The following CYP19A1 variants were observed in gnomAD, a reference collection of about 807,000 sequenced individuals.
CYP19A1 encodes cytochrome P450 family 19 subfamily A member 1.
CYP19A1 carries 32 observed loss-of-function variants against 44.4 expected under a neutral mutation model. That is an observed-to-expected ratio of 0.72 (90% CI 0.54 to 0.97). CYP19A1 has a LOEUF of 0.97. Among genes scored for constraint, CYP19A1 ranks in the 50% least tolerant of loss-of-function variants. The pLI is 0.00. For synonymous variants in CYP19A1, 212 were observed against 215.6 expected, an observed-to-expected ratio of 0.98 and a Z score of 0.14; for missense variants, 598 against 637.8, an observed-to-expected ratio of 0.94 and a Z score of 0.67.
chr15:51,268,519 TCCCC>T lies in CYP19A1; in HGVS notation c.-38-25573_-38-25570del, dbSNP rs34270729. On this transcript the variant is annotated intron_variant, in intron 1 of 9. Coordinates refer to ENST00000396402, the MANE Select transcript of CYP19A1 (RefSeq NM_000103.4). ...TTAAGGAGCATTTCCATCGTTTCCTTCCCCCCCCCCCTTTTTTTTTGGCTGTTTC... is the reference window on the plus strand; with the variant it reads ...TTAAGGAGCATTTCCATCGTTTCCTTCCCCCCCTTTTTTTTTGGCTGTTTC... Among the ~76,000 whole-genome samples, 61 of 138,930 alleles carry T rather than the reference TCCCC, an allele frequency of 4.4e-4. 1 individual carries two copies. The highest frequency in any genetic ancestry group is 1.5e-3 in the African/African-American group (55 of 37,606). 91.1% of individuals were successfully genotyped at this position (138,930 alleles called of 152,430 possible).
At chr15:51,246,290 G>T (rs1595716434) in intron 1 of CYP19A1, among the ~76,000 whole-genome samples, 1 of 152,078 alleles carries the variant, frequency 6.6e-6, no homozygotes, top group Non-Finnish European at 1.5e-5. Context: ...CATGCACATG[G>T]CCCTCAGGTG....
At chr15:51,212,233 T>C in intron 9 of CYP19A1, 87 bp downstream of exon 9, 2 of 946,848 alleles carry the variant, frequency 2.1e-6, no homozygotes, top group Non-Finnish European at 1.8e-6. Flanking sequence ...AATGAAGTAT[T>C]TATGGTGCAA....
In CYP19A1 at chr15:51,293,945, T is replaced by A; in HGVS notation, c.-39+44550A>T. 1.4e-5 allele frequency: 3 copies of A among 216,066 alleles called. No homozygotes were observed. In the South Asian group the frequency reaches 1.9e-4, roughly 14 times the overall value. 13.4% of individuals were successfully genotyped at this position (216,066 alleles called of 1,614,324 possible). A position where few individuals can be genotyped will look rare whatever the true frequency, so the allele number is the denominator to read the frequency against. On this transcript the variant is annotated intron_variant, in intron 1 of 9. Transcript: ENST00000396402. ...CCAGCCGCCTGCCTTGGCCTCCCAA[T>A]GTGCCAAGACTGCAGCCTCTGCCCG...
At chr15:51,315,693 T>G (rs1251546291) in intron 1 of CYP19A1, 2 of 152,246 alleles carry the variant, frequency 1.3e-5, no homozygotes, top group East Asian at 3.8e-4. Context: ...CTATTCCTCA[T>G]GCTTCCCTGG....
intron 1 of CYP19A1, among the ~76,000 whole-genome samples, chr15:51,301,356 A>G (rs1421802226): frequency 6.6e-6 from 1 of 152,156 alleles, no homozygotes; most frequent in East Asian, 1.9e-4. Context: ...CTTCCTTTCC[A>G]AGTTAGATCA....
intron 1 of CYP19A1, among the ~76,000 whole-genome samples, chr15:51,264,758 C>T (rs1462106880): frequency 1.3e-5 from 2 of 152,112 alleles, no homozygotes; most frequent in Non-Finnish European, 2.9e-5. Context: ...CCCTTGGTTA[C>T]AGCGGTGGCA....
Position 51,210,784 on chromosome 15 carries a change from A to C in CYP19A1, c.*24T>G. On this transcript the variant is annotated 3_prime_UTR_variant, in exon 10 of 10. Coordinates refer to ENST00000396402, the MANE Select transcript of CYP19A1 (RefSeq NM_000103.4). Reference sequence around the variant, plus strand: ...GTGAACTACTGATGAGAAATGCTCCAGAGTGGGTACTGACCAGCCTTCTCT... The same window carrying C: ...GTGAACTACTGATGAGAAATGCTCCCGAGTGGGTACTGACCAGCCTTCTCT... The C allele has an allele frequency of 7.0e-7, 1 of 1,433,326 alleles. No individual in the cohort carries two copies. Among genetic ancestry groups the C allele is most frequent in the African/African-American group, 1.4e-5 (1 of 72,048 alleles). The allele number at this position is 1,433,326 out of a possible 1,614,324, so 88.8% of individuals were successfully genotyped here.
intron 8 of CYP19A1, among the ~76,000 whole-genome samples, chr15:51,213,157 C>T (rs766184541): frequency 1.1e-4 from 16 of 152,146 alleles, no homozygotes; most frequent in Non-Finnish European, 1.5e-4. Flanking sequence ...GTCATCTGCC[C>T]ATACATGTCA....
intron 1 of CYP19A1, chr15:51,312,340 A>G (rs370650663): frequency 6.6e-6 from 1 of 152,236 alleles, no homozygotes; most frequent in African/African-American, 2.4e-5. Flanking sequence ...ACTCACCCAT[A>G]TATGTAAACA....
chr15:51,222,666 C>T lies in CYP19A1; in HGVS notation c.452-141G>A, dbSNP rs185811945. 1.4e-4 allele frequency: 105 copies of T among 731,996 alleles called. No individual in the cohort carries two copies. In the African/African-American group the frequency reaches 1.6e-3, roughly 11 times the overall value. The allele number at this position is 731,996 out of a possible 1,614,324, so 45.3% of individuals were successfully genotyped here. A position where few individuals can be genotyped will look rare whatever the true frequency, so the allele number is the denominator to read the frequency against. On this transcript the variant is annotated intron_variant, in intron 4 of 9. Transcript: ENST00000396402. ...TGGGTGGAAGTTTTCATAATATTTT[C>T]GTATGCTTTTCTGTGGTCTCCTAAT... is the stretch of plus-strand genomic sequence containing the variant.
At chr15:51,253,594 T>G (rs1282713633) in intron 1 of CYP19A1, among the ~76,000 whole-genome samples, 1 of 152,110 alleles carries the variant, frequency 6.6e-6, no homozygotes. Context: ...TTCCCCACAT[T>G]TTCTATCCAC....
At chr15:51,231,413 A>G (rs2033023202) in intron 3 of CYP19A1, among the ~76,000 whole-genome samples, 1 of 152,074 alleles carries the variant, frequency 6.6e-6, no homozygotes, top group Non-Finnish European at 1.5e-5. Flanking sequence ...TACTCATTTG[A>G]CAATTTTCTT....
chr15:51,218,020 AC>A (rs2031735048), intron 6 of CYP19A1, among the ~76,000 whole-genome samples: 1 of 152,002 alleles, frequency 6.6e-6, no homozygotes, highest in Admixed American at 6.6e-5. Flanking sequence ...CAATTTCAGG[AC>A]CCCCAAAACA....
chr15:51,296,284 C>A (rs1217686565), intron 1 of CYP19A1, among the ~76,000 whole-genome samples: 1 of 152,120 alleles, frequency 6.6e-6, no homozygotes, highest in Non-Finnish European at 1.5e-5. Flanking sequence ...AAGAGGAAAA[C>A]TCCCTGAGAC....
At chr15:51,215,925 A>G in intron 6 of CYP19A1, 108 bp from the exon 7 acceptor site, 1 of 1,558,416 alleles carries the variant, frequency 6.4e-7, no homozygotes, top group South Asian at 1.2e-5. Context: ...AATTGAAAAC[A>G]TTGGTGCTTA....
intron 6 of CYP19A1, among the ~76,000 whole-genome samples, chr15:51,216,515 A>G (rs1444588654): frequency 1.3e-5 from 2 of 152,118 alleles, no homozygotes; most frequent in East Asian, 3.9e-4. Context: ...GGCCTCCCAA[A>G]GTGCTGGGAT....
chr15:51,252,301 AC>A (rs1458219328), intron 1 of CYP19A1, among the ~76,000 whole-genome samples: 7 of 151,584 alleles, frequency 4.6e-5, no homozygotes, highest in African/African-American at 1.7e-4. Context: ...GGGATCCCAG[AC>A]CCCCTAAAGC....
At chr15:51,293,183 G>A (rs1235072621) in intron 1 of CYP19A1, among the ~76,000 whole-genome samples, 1 of 152,034 alleles carries the variant, frequency 6.6e-6, no homozygotes, top group Non-Finnish European at 1.5e-5. Flanking sequence ...GGTGATAGGT[G>A]CGCCAAAATA....
intron 2 of CYP19A1, among the ~76,000 whole-genome samples, chr15:51,240,911 G>T (rs2033720072): frequency 6.6e-6 from 1 of 152,166 alleles, no homozygotes; most frequent in Non-Finnish European, 1.5e-5. Flanking sequence ...GGGCAAGGCA[G>T]ATCAACTCCC....
Sources: gnomAD v4.1 joint callset for allele counts (sites outside exome capture counted in the v4.1 genomes callset) on GRCh38, gnomAD v4.1.1 for gene constraint, MANE v1.5 for transcripts, NCBI Gene and HGNC (gene_info 2026-07-23, HGNC 2026-07-21) for gene names.